Variants in PAX5 observed in about 807,000 individuals in gnomAD.
PAX5 encodes paired box 5.
Under a neutral mutation model 43.7 loss-of-function variants are expected in PAX5, and 9 were observed. The ratio of observed to expected loss-of-function variants is 0.21; its 90% confidence interval spans 0.12 to 0.36. The LOEUF is 0.36. PAX5 is among the 10% of genes least tolerant of loss of function. The pLI, the probability that PAX5 is intolerant of heterozygous loss-of-function variation, is 1.00. For synonymous variants in PAX5, 228 were observed against 214.3 expected, an observed-to-expected ratio of 1.06 and a Z score of -0.56; for missense variants, 383 against 532.7, an observed-to-expected ratio of 0.72 and a Z score of 2.77.
At chr9:36,921,369 C>T (rs1357711119) in intron 7 of PAX5, among the ~76,000 whole-genome samples, 1 of 152,184 alleles carries the variant, frequency 6.6e-6, no homozygotes, top group Non-Finnish European at 1.5e-5. Flanking sequence ...AACCCTTTTA[C>T]AGATGGAGAA....
At chr9:36,930,374 C>T (rs1051934610) in intron 6 of PAX5, among the ~76,000 whole-genome samples, 1 of 151,342 alleles carries the variant, frequency 6.6e-6, no homozygotes, top group Non-Finnish European at 1.5e-5. Flanking sequence ...CAGGCACACG[C>T]CACCACACCC....
At chr9:36,959,575 G>A (rs1045447000) in intron 6 of PAX5, among the ~76,000 whole-genome samples, 2 of 152,212 alleles carry the variant, frequency 1.3e-5, no homozygotes, top group East Asian at 3.8e-4. Flanking sequence ...GAGAGGCAGG[G>A]TGAGAGGAAC....
At position 36,963,690 on chromosome 9, in the gene PAX5, GC is replaced by G. The variant is rs150593515; in HGVS notation, c.780+2858del. On this transcript the variant is annotated intron_variant, in intron 6 of 9. Coordinates refer to ENST00000358127, the MANE Select transcript of PAX5 (RefSeq NM_016734.3). ...CTTGCAGGCTGCGTGGTCTTCCTGG[GC>G]ACTCTGAGCTAAAGGAGTTATGGTG... 4.1e-4 allele frequency among the ~76,000 whole-genome samples: 63 copies of G among 152,316 alleles called. 1 individual carries two copies. The East Asian group carries it at 0.01, about 24-fold the overall frequency.
At chr9:37,009,967 G>A (rs1340660624) in intron 3 of PAX5, among the ~76,000 whole-genome samples, 2 of 152,208 alleles carry the variant, frequency 1.3e-5, no homozygotes, top group Non-Finnish European at 2.9e-5. Flanking sequence ...TTATAGGCAA[G>A]CCTCTGAAGC....
At chr9:36,980,381 G>A (rs573330144) in intron 5 of PAX5, among the ~76,000 whole-genome samples, 9 of 152,170 alleles carry the variant, frequency 5.9e-5, no homozygotes, top group African/African-American at 1.2e-4. Flanking sequence ...AGGTGCCTCT[G>A]GGGGGAGCCA....
intron 5 of PAX5, among the ~76,000 whole-genome samples, chr9:36,986,146 C>T (rs1026913490): frequency 1.3e-4 from 19 of 151,790 alleles, no homozygotes; most frequent in Non-Finnish European, 5.9e-5. Context: ...GCTGCCGCCG[C>T]GCCCGCGCCC....
chr9:36,991,135 C>T (rs1836906527), intron 5 of PAX5, among the ~76,000 whole-genome samples: 1 of 150,696 alleles, frequency 6.6e-6, no homozygotes. Flanking sequence ...AAAATTCCAG[C>T]AAAAATTATA....
chr9:36,987,719 A>G (rs1836555728), intron 5 of PAX5, among the ~76,000 whole-genome samples: 1 of 152,186 alleles, frequency 6.6e-6, no homozygotes, highest in African/African-American at 2.4e-5. Flanking sequence ...CATGGGGAAG[A>G]GCAGGAAAGG....
chr9:36,988,160 C>A (rs1422443225), intron 5 of PAX5, among the ~76,000 whole-genome samples: 1 of 152,170 alleles, frequency 6.6e-6, no homozygotes, highest in African/African-American at 2.4e-5. Flanking sequence ...CACCGCAAGG[C>A]CACGGCTGAG....
At chr9:36,876,153 C>T (rs565656151) in intron 8 of PAX5, among the ~76,000 whole-genome samples, 3 of 152,328 alleles carry the variant, frequency 2.0e-5, no homozygotes, top group African/African-American at 7.2e-5. Flanking sequence ...CTCTCACTCC[C>T]CCTGTGGTGT....
intron 5 of PAX5, among the ~76,000 whole-genome samples, chr9:36,990,049 T>C (rs1287900213): frequency 1.3e-5 from 2 of 151,982 alleles, no homozygotes; most frequent in Non-Finnish European, 1.5e-5. Context: ...ACTTAGGAAG[T>C]GACACAAGCT....
intron 6 of PAX5, among the ~76,000 whole-genome samples, chr9:36,945,594 G>C (rs1832426492): frequency 6.6e-6 from 1 of 152,178 alleles, no homozygotes; most frequent in Non-Finnish European, 1.5e-5. Context: ...CTATCAAAGG[G>C]CATTGCTATT....
intron 1 of PAX5, 97 bp downstream of exon 1, chr9:37,033,889 G>C: frequency 9.6e-7 from 1 of 1,045,374 alleles, no homozygotes; most frequent in Admixed American, 1.9e-5. Flanking sequence ...ACGAAAATGC[G>C]GCGCGCCCCC....
intron 8 of PAX5, among the ~76,000 whole-genome samples, chr9:36,862,112 A>G (rs73648154): frequency 0.01 from 1,536 of 152,240 alleles, 25 homozygotes; most frequent in African/African-American, 0.035. Flanking sequence ...AAGCATGCTG[A>G]ATTCTAGTCC....
At chr9:36,996,378 C>T (rs1837399840) in intron 5 of PAX5, among the ~76,000 whole-genome samples, 1 of 152,260 alleles carries the variant, frequency 6.6e-6, no homozygotes, top group South Asian at 2.1e-4. Context: ...GATTAAGTAA[C>T]TCGCTACAAG....
intron 8 of PAX5, among the ~76,000 whole-genome samples, chr9:36,879,836 G>T (rs1225141818): frequency 6.6e-6 from 1 of 152,240 alleles, no homozygotes; most frequent in Non-Finnish European, 1.5e-5. Flanking sequence ...ACGTGCTAAA[G>T]GTTGGAAAAT....
At chr9:36,895,423 G>C (rs73648166) in intron 7 of PAX5, among the ~76,000 whole-genome samples, 1 of 152,182 alleles carries the variant, frequency 6.6e-6, no homozygotes, top group East Asian at 1.9e-4. Context: ...CTTGTTAAGA[G>C]GCTCAGCCTA....
At chr9:36,960,478 C>T (rs1276135181) in intron 6 of PAX5, among the ~76,000 whole-genome samples, 2 of 151,792 alleles carry the variant, frequency 1.3e-5, no homozygotes, top group Non-Finnish European at 2.9e-5. Flanking sequence ...GGTGAAGGGG[C>T]GTGATGGGGA....
chr9:36,876,492 C>T (rs1032696940), intron 8 of PAX5, among the ~76,000 whole-genome samples: 10 of 152,228 alleles, frequency 6.6e-5, no homozygotes, highest in Non-Finnish European at 1.0e-4. Context: ...AACTCCCCTT[C>T]CTTTTTCCTC....
Sources: gnomAD v4.1 joint callset for allele counts (sites outside exome capture counted in the v4.1 genomes callset) on GRCh38, gnomAD v4.1.1 for gene constraint, MANE v1.5 for transcripts, NCBI Gene and HGNC (gene_info 2026-07-23, HGNC 2026-07-21) for gene names.